Variants in ANKS1A observed in about 807,000 individuals in gnomAD.
ANKS1A encodes the protein ankyrin repeat and sterile alpha motif domain containing 1A, also known as ankyrin repeat and SAM domain-containing protein 1A.
In ANKS1A, 55 loss-of-function variants were observed where a neutral mutation model predicts 120.3. The ratio of observed to expected loss-of-function variants is 0.46; its 90% CI spans 0.37 to 0.57. ANKS1A has a LOEUF of 0.57. ANKS1A is among the 20% of genes least tolerant of loss of function. The probability of loss-of-function intolerance (pLI) is 0.00; values close to 1 mark genes in which losing one functional copy is unlikely to be tolerated. For synonymous variants in ANKS1A, 590 were observed against 604.7 expected, an observed-to-expected ratio of 0.98 and a Z score of 0.36; for missense variants, 1,123 against 1,480.3, an observed-to-expected ratio of 0.76 and a Z score of 3.96.
At chr6:35,075,097 C>T (rs1403714912) in intron 13 of ANKS1A, among the ~76,000 whole-genome samples, 1 of 152,212 alleles carries the variant, frequency 6.6e-6, no homozygotes, top group East Asian at 1.9e-4. Context: ...AAATGGACAG[C>T]TTGCTGCCAG....
rs1199790053 is a variant in ANKS1A, at chr6:35,082,759, G to A, written c.2778G>A (p.Gln926=). The A allele has an allele frequency of 6.2e-7, 1 of 1,614,018 alleles. No homozygotes were observed. The highest frequency in any genetic ancestry group is 8.5e-7 in the Non-Finnish European group (1 of 1,179,934). ...TGGCAGCCCCCTACGCCCCAGTGCA[G>A]AGTTGGCAACACCAGCCAGAGAAAC... is the stretch of plus-strand genomic sequence containing the variant. ...PSLAAPYAPV[Q]SWQHQPEKLI... is the part of the protein sequence containing the mutation. The change falls in exon 18 of 24, where the codon CAG becomes CAA. Residue 926 remains glutamine, a synonymous_variant. Coordinates refer to ENST00000360359, the MANE Select transcript of ANKS1A (RefSeq NM_015245.3). The surrounding 1 kb of genome is among the most constrained non-coding windows in gnomAD (Gnocchi z 4.1).
chr6:34,937,108 G>A (rs1769292998), intron 1 of ANKS1A, among the ~76,000 whole-genome samples: 1 of 152,102 alleles, frequency 6.6e-6, no homozygotes, highest in Non-Finnish European at 1.5e-5. Flanking sequence ...GAGGAGAGAA[G>A]ATAGTCATTT....
chr6:34,913,708 C>T (rs1768012524), intron 1 of ANKS1A, among the ~76,000 whole-genome samples: 1 of 152,044 alleles, frequency 6.6e-6, no homozygotes, highest in East Asian at 1.9e-4. Context: ...ACAATCTTGG[C>T]TCATAACCTC....
chr6:34,889,434 C>T lies in ANKS1A; in HGVS notation c.32C>T (p.Ala11Val). The change falls in exon 1 of 24, where the codon GCC (alanine) becomes GTC (valine). Residue 11 changes from alanine (A) to valine (V), a missense_variant. Physicochemically the swap from Ala to Val is moderately conservative, Grantham distance 64. Around this residue, in one of 3 missense-constraint regions of ANKS1A, gnomAD observed 73 missense variants for 82.2 expected, o/e 0.89. Transcript: ENST00000360359. The surrounding 1 kb of genome is among the most constrained non-coding windows in gnomAD (Gnocchi z 5.5). ...AAGGAGCAGGAGCTGCTGGAGGCGG[C>T]CCGCACCGGGCACCTCCCGGCGGTG... is the stretch of plus-strand genomic sequence containing the variant. Reference protein sequence around the residue: MGKEQELLEAARTGHLPAVEK... With the variant: MGKEQELLEAVRTGHLPAVEK... 2 of 1,287,556 alleles carry T rather than the reference C, an allele frequency of 1.6e-6. No homozygotes were observed. Among genetic ancestry groups the T allele is most frequent in the South Asian group, 2.9e-5 (1 of 34,502 alleles). 79.8% of individuals were successfully genotyped at this position (1,287,556 alleles called of 1,614,324 possible). A position where few individuals can be genotyped will look rare whatever the true frequency, so the allele number is the denominator to read the frequency against.
intron 11 of ANKS1A, among the ~76,000 whole-genome samples, chr6:35,028,711 G>C (rs1335132226): frequency 2.0e-5 from 3 of 152,024 alleles, no homozygotes; most frequent in African/African-American, 7.2e-5. Flanking sequence ...TCTGAACCTT[G>C]CTTTTTTCAT....
At position 34,985,046 on chromosome 6, in the gene ANKS1A, C is replaced by T. The variant is rs781305657; in HGVS notation, c.1013-36C>T. 7 of 1,587,278 alleles carry T rather than the reference C, an allele frequency of 4.4e-6. No individual in the cohort carries two copies. In the African/African-American group the frequency reaches 8.1e-5, roughly 18 times the overall value. On this transcript the variant is annotated intron_variant, in intron 7 of 23. Transcript: ENST00000360359. ...GGTTGGAACCTGAGATTCTGCTCCC[C>T]TTCAGTGACTCTCTTGCCCTCCATC... is the stretch of plus-strand genomic sequence containing the variant.
At chr6:34,955,424 A>C (rs1770313555) in intron 1 of ANKS1A, among the ~76,000 whole-genome samples, 1 of 152,194 alleles carries the variant, frequency 6.6e-6, no homozygotes, top group South Asian at 2.1e-4. Flanking sequence ...GGCGTGAGCC[A>C]CCACGCCTGG....
chr6:35,026,356 T>G (rs1012725241), intron 11 of ANKS1A, among the ~76,000 whole-genome samples: 1 of 152,238 alleles, frequency 6.6e-6, no homozygotes, highest in African/African-American at 2.4e-5. Flanking sequence ...TCAGCTAATT[T>G]GTTGAGCACC....
chr6:35,033,547 C>T (rs906268358), intron 11 of ANKS1A, among the ~76,000 whole-genome samples: 2 of 152,182 alleles, frequency 1.3e-5, no homozygotes, highest in East Asian at 3.8e-4. Context: ...GGGGTCTGGC[C>T]ATGCTCCAGT....
chr6:35,066,273 T>C (rs1187998378), intron 13 of ANKS1A, among the ~76,000 whole-genome samples: 1 of 152,210 alleles, frequency 6.6e-6, no homozygotes, highest in Non-Finnish European at 1.5e-5. Flanking sequence ...GCAGTCTTTC[T>C]CTGCAGGCTG....
chr6:35,062,522 C>CT (rs1475495894), intron 13 of ANKS1A, among the ~76,000 whole-genome samples: 1 of 152,218 alleles, frequency 6.6e-6, no homozygotes, highest in Admixed American at 6.5e-5. Context: ...CTGAAATGCC[C>CT]TGGAGACTCT....
At chr6:35,077,210 C>G (rs562089209) in intron 13 of ANKS1A, among the ~76,000 whole-genome samples, 1 of 152,228 alleles carries the variant, frequency 6.6e-6, no homozygotes, top group East Asian at 1.9e-4. Flanking sequence ...AAGCAGAAAC[C>G]CTTCCTCATA....
chr6:35,080,859 T>G, intron 16 of ANKS1A, 135 bp from the exon 17 acceptor site: 1 of 1,029,668 alleles, frequency 9.7e-7, no homozygotes, highest in Non-Finnish European at 1.4e-6. Flanking sequence ...ACCCCTGTGG[T>G]GTTGGCCCCT....
rs112058474 is a variant in ANKS1A at position 34,983,474 on chromosome 6, G to C, written c.1012+49G>C. The stretch of plus-strand genomic sequence containing the variant: ...TAAAGGGGTGCTCAGCTTGAAAAGA[G>C]TTGAAAATTCGTGGGCAGAATGGAA... On this transcript the variant is annotated intron_variant, in intron 7 of 23. Coordinates refer to ENST00000360359, the MANE Select transcript of ANKS1A (RefSeq NM_015245.3). 751 of 1,458,554 alleles carry C rather than the reference G, an allele frequency of 5.1e-4. 5 individuals carry two copies. In the South Asian group the frequency reaches 6.1e-3, roughly 12 times the overall value. The allele number at this position is 1,458,554 out of a possible 1,614,324, so 90.4% of individuals were successfully genotyped here.
chr6:34,992,325 A>G (rs187182083), intron 9 of ANKS1A, among the ~76,000 whole-genome samples: 117 of 152,266 alleles, frequency 7.7e-4, no homozygotes, highest in Non-Finnish European at 1.4e-3. Flanking sequence ...CTCTGCCTCT[A>G]TTTGTCCTGC....
At chr6:35,035,227 A>G (rs939430778) in intron 11 of ANKS1A, among the ~76,000 whole-genome samples, 1 of 152,148 alleles carries the variant, frequency 6.6e-6, no homozygotes, top group Non-Finnish European at 1.5e-5. Context: ...AAAGGACACA[A>G]TTCCTTCTCT....
At chr6:34,934,370 T>C (rs1769143118) in intron 1 of ANKS1A, among the ~76,000 whole-genome samples, 1 of 152,058 alleles carries the variant, frequency 6.6e-6, no homozygotes, top group Admixed American at 6.6e-5. Context: ...GGACGGTCTC[T>C]ATCTCCTGAC....
At chr6:34,978,378 T>C (rs764190800) in intron 3 of ANKS1A, among the ~76,000 whole-genome samples, 35 of 152,314 alleles carry the variant, frequency 2.3e-4, no homozygotes, top group Non-Finnish European at 5.0e-4. Flanking sequence ...TTTTGGAAAC[T>C]CTGGAGGTAT....
chr6:35,060,347 G>T lies in ANKS1A; in HGVS notation c.2184+94G>T. 2.7e-6 allele frequency: 3 copies of T among 1,107,962 alleles called. No individual in the cohort carries two copies. Among genetic ancestry groups the T allele is most frequent in the Non-Finnish European group, 4.0e-6 (3 of 757,656 alleles). 68.6% of individuals were successfully genotyped at this position (1,107,962 alleles called of 1,614,324 possible). A position where few individuals can be genotyped will look rare whatever the true frequency, so the allele number is the denominator to read the frequency against. On this transcript the variant is annotated intron_variant, in intron 13 of 23. Coordinates refer to ENST00000360359, the MANE Select transcript of ANKS1A (RefSeq NM_015245.3). The surrounding 1 kb of genome is among the most constrained non-coding windows in gnomAD (Gnocchi z 4.5). ...TCTGGCCCCACAGGAGTCTGCAACA[G>T]TACGTAGACCCAAATCCCAGGGAAA...
Sources: gnomAD v4.1 joint callset for allele counts (sites outside exome capture counted in the v4.1 genomes callset) on GRCh38, gnomAD v4.1.1 for gene constraint, gnomAD v4.1.1 regional missense constraint, Gnocchi (gnomAD v3.1) non-coding constraint, MANE v1.5 for transcripts, NCBI Gene and HGNC (gene_info 2026-07-23, HGNC 2026-07-21) for gene names.